The following PRUNE2 variants were observed in gnomAD, a reference collection of about 807,000 sequenced individuals.
PRUNE2 encodes protein prune homolog 2.
PRUNE2 carries 164 observed loss-of-function variants against 252.0 expected under a neutral mutation model. The ratio of observed to expected loss-of-function variants is 0.65; its 90% confidence interval spans 0.57 to 0.74. The LOEUF (loss-of-function observed/expected upper bound fraction) is 0.74, where lower values mean the gene tolerates loss of function less well. PRUNE2 is among the 30% of genes least tolerant of loss of function. The pLI is 0.00. For synonymous variants in PRUNE2, 1,292 were observed against 1,350.2 expected, an observed-to-expected ratio of 0.96 and a Z score of 0.94; for missense variants, 3,495 against 3,711.0, an observed-to-expected ratio of 0.94 and a Z score of 1.51.
chr9:76,833,743 C>T (rs2058797510), intron 4 of PRUNE2, among the ~76,000 whole-genome samples: 1 of 146,946 alleles, frequency 6.8e-6, no homozygotes, highest in Non-Finnish European at 1.5e-5. Flanking sequence ...CCAGCCTGGG[C>T]GACAGAGCAA....
chr9:76,846,126 A>G (rs1223879643), intron 4 of PRUNE2, among the ~76,000 whole-genome samples: 1 of 152,210 alleles, frequency 6.6e-6, no homozygotes, highest in African/African-American at 2.4e-5. Context: ...TAAACCAAGC[A>G]TGGAAGAGTA....
At chr9:76,794,227 TA>T (rs1001150976) in intron 6 of PRUNE2, among the ~76,000 whole-genome samples, 4 of 152,112 alleles carry the variant, frequency 2.6e-5, no homozygotes, top group Admixed American at 2.0e-4. Flanking sequence ...AATAAATAAA[TA>T]TGCTGATATG....
chr9:76,663,286 A>T (rs1034649014), intron 9 of PRUNE2, among the ~76,000 whole-genome samples: 2 of 152,224 alleles, frequency 1.3e-5, no homozygotes, highest in African/African-American at 4.8e-5. Context: ...ACAGGTAAGC[A>T]CTGTGGCCAG....
intron 6 of PRUNE2, among the ~76,000 whole-genome samples, chr9:76,803,231 A>G (rs1189599980): frequency 6.6e-6 from 1 of 152,228 alleles, no homozygotes; most frequent in Non-Finnish European, 1.5e-5. Flanking sequence ...GTGGTGATAC[A>G]TTGCCTTGGT....
In PRUNE2 at chr9:76,749,559, G is replaced by GCGTGTAAC. The variant is rs544376963; in HGVS notation, c.757-35846_757-35839dup. 3.9e-5 allele frequency among the ~76,000 whole-genome samples: 6 copies of GCGTGTAAC among 152,238 alleles called. No homozygotes were observed. In the East Asian group the frequency reaches 1.2e-3, roughly 29 times the overall value. On this transcript the variant is annotated intron_variant, in intron 6 of 18. Coordinates refer to ENST00000376718, the MANE Select transcript of PRUNE2 (RefSeq NM_015225.3). Reference sequence around the variant, plus strand: ...TTTACTCCTTCCTTTAAAAACCCTTGCGTGTAACCGTTAGAGAGGTGAGGT... The same window carrying GCGTGTAAC: ...TTTACTCCTTCCTTTAAAAACCCTTGCGTGTAACCGTGTAACCGTTAGAGAGGTGAGGT...
intron 6 of PRUNE2, chr9:76,738,560 T>G (rs1050020370): frequency 6.6e-6 from 1 of 152,224 alleles, no homozygotes; most frequent in African/African-American, 2.4e-5. Flanking sequence ...TTATAAGAGA[T>G]AATTTGTTTG....
chr9:76,836,219 C>G (rs1276788764), intron 4 of PRUNE2, among the ~76,000 whole-genome samples: 1 of 151,504 alleles, frequency 6.6e-6, no homozygotes, highest in Admixed American at 6.6e-5. Flanking sequence ...GAGAAATAAA[C>G]GAATACAGGT....
At chr9:76,661,609 T>A (rs1851464101) in intron 9 of PRUNE2, among the ~76,000 whole-genome samples, 1 of 152,228 alleles carries the variant, frequency 6.6e-6, no homozygotes, top group South Asian at 2.1e-4. Flanking sequence ...TAAAGAAAGT[T>A]ATTATTTAGT....
At chr9:76,657,966 TCTTCC>T (rs2133456866) in intron 9 of PRUNE2, among the ~76,000 whole-genome samples, 1 of 152,300 alleles carries the variant, frequency 6.6e-6, no homozygotes, top group Admixed American at 6.5e-5. Flanking sequence ...GGCACAGATT[TCTTCC>T]CCCTGTGTTA....
chr9:76,882,946 G>T (rs1311081205), intron 1 of PRUNE2, among the ~76,000 whole-genome samples: 1 of 152,106 alleles, frequency 6.6e-6, no homozygotes, highest in Non-Finnish European at 1.5e-5. Flanking sequence ...CAAGCCCAGA[G>T]CTGCTCTTTA....
At position 76,746,931 on chromosome 9, in the gene PRUNE2, G is replaced by A. The variant is rs141028650; in HGVS notation, c.757-33210C>T. On this transcript the variant is annotated intron_variant, in intron 6 of 18. Coordinates refer to ENST00000376718, the MANE Select transcript of PRUNE2 (RefSeq NM_015225.3). ...TTATAATAAATGGGTAAATGTAAGT[G>A]TTTCAGTTCTACGAGCCATTGTAGC... Among the ~76,000 whole-genome samples, 75 of 152,236 alleles carry A rather than the reference G, an allele frequency of 4.9e-4. 4 individuals carry two copies. In the East Asian group the frequency reaches 0.012, roughly 24 times the overall value.
At chr9:76,887,861 C>T (rs1012591588) in intron 1 of PRUNE2, among the ~76,000 whole-genome samples, 1 of 152,160 alleles carries the variant, frequency 6.6e-6, no homozygotes, top group African/African-American at 2.4e-5. Flanking sequence ...TTTGCTACCA[C>T]GGCATAACCT....
In PRUNE2 at chr9:76,706,183, G is replaced by A. The variant is rs756499103; in HGVS notation, c.6091C>T (p.Pro2031Ser). 6.2e-7 allele frequency: 1 copy of A among 1,613,942 alleles called. No homozygotes were observed. Among genetic ancestry groups the A allele is most frequent in the Non-Finnish European group, 8.5e-7 (1 of 1,179,872 alleles). ...VSSPTQLIMK[P>S]GSEWDGSTPS... ...GTAGAGCCATCCCATTCAGAGCCTGGCTTCATTATCAGTTGGGTGGGAGAA... is the reference window on the plus strand; with the variant it reads ...GTAGAGCCATCCCATTCAGAGCCTGACTTCATTATCAGTTGGGTGGGAGAA... The change falls in exon 8 of 19, where the codon CCA becomes TCA. Residue 2031 changes from proline (P) to serine (S), a missense_variant. Coordinates refer to ENST00000376718, the MANE Select transcript of PRUNE2 (RefSeq NM_015225.3).
At chr9:76,628,358 G>T (rs1835874745) in intron 16 of PRUNE2, among the ~76,000 whole-genome samples, 1 of 152,126 alleles carries the variant, frequency 6.6e-6, no homozygotes, top group South Asian at 2.1e-4. Flanking sequence ...ATTGAGCAAG[G>T]AAACCATTCC....
chr9:76,714,047 G>A (rs771288978), intron 6 of PRUNE2, among the ~76,000 whole-genome samples: 4 of 151,970 alleles, frequency 2.6e-5, no homozygotes, highest in Admixed American at 2.0e-4. Flanking sequence ...CCCTCTTGTC[G>A]CTTATAGGAT....
intron 6 of PRUNE2, among the ~76,000 whole-genome samples, chr9:76,723,324 G>A (rs2047808957): frequency 1.3e-5 from 2 of 152,130 alleles, no homozygotes; most frequent in African/African-American, 4.8e-5. Context: ...TTCTTGCTCT[G>A]GTAGCTTAGA....
At chr9:76,903,099 A>C (rs930507226) in intron 1 of PRUNE2, among the ~76,000 whole-genome samples, 2 of 152,268 alleles carry the variant, frequency 1.3e-5, no homozygotes, top group Non-Finnish European at 2.9e-5. Flanking sequence ...CTAGAATAGC[A>C]GAGTTTCCTC....
At chr9:76,740,178 G>C (rs570996405) in intron 6 of PRUNE2, 3 of 151,980 alleles carry the variant, frequency 2.0e-5, no homozygotes, top group Non-Finnish European at 4.4e-5. Flanking sequence ...GACCGGGCAC[G>C]GTGGCTCACG....
At chr9:76,687,169 C>T (rs1267052529) in intron 9 of PRUNE2, among the ~76,000 whole-genome samples, 1 of 152,234 alleles carries the variant, frequency 6.6e-6, no homozygotes, top group Non-Finnish European at 1.5e-5. Flanking sequence ...ACTGACCTTT[C>T]TATAGATAAA....
Sources: allele counts gnomAD v4.1 joint callset (sites outside exome capture counted in the v4.1 genomes callset), GRCh38; gene constraint gnomAD v4.1.1; transcripts MANE v1.5; gene names NCBI Gene and HGNC (gene_info 2026-07-23, HGNC 2026-07-21).